Variants in DUSP19 observed in about 807,000 individuals in gnomAD.
DUSP19 encodes dual specificity protein phosphatase 19.
In DUSP19, 14 loss-of-function variants were observed where a neutral mutation model predicts 16.6. The observed-to-expected ratio is 0.84, with a 90% CI of 0.56 to 1.32. DUSP19 has a LOEUF of 1.32. DUSP19 is among the 40% of genes most tolerant of loss of function. The probability of loss-of-function intolerance (pLI) is 0.00; values close to 1 mark genes in which losing one functional copy is unlikely to be tolerated. For missense variants in DUSP19, 258 were observed against 255.9 expected, an observed-to-expected ratio of 1.01 and a Z score of -0.06; for synonymous variants, 81 against 90.5, an observed-to-expected ratio of 0.90 and a Z score of 0.59.
At position 183,098,954 on chromosome 2, in the gene DUSP19, G is replaced by A. The variant is rs1428607228; in HGVS notation, c.*3296G>A. 2.0e-5 allele frequency: 3 copies of A among 152,138 alleles called. No individual in the cohort carries two copies. Among genetic ancestry groups the A allele is most frequent in the Non-Finnish European group, 4.4e-5 (3 of 67,996 alleles). 9.4% of individuals were successfully genotyped at this position (152,138 alleles called of 1,614,324 possible). On this transcript the variant is annotated 3_prime_UTR_variant, in exon 4 of 4. Transcript: ENST00000354221. ...TCAAAAGACAAATATTTCAGAGGAA[G>A]TGGAGTACAGTATTTAACATTTTGT...
chr2:183,089,932 C>T (rs1022274956), intron 3 of DUSP19, among the ~76,000 whole-genome samples: 2 of 152,102 alleles, frequency 1.3e-5, no homozygotes, highest in Non-Finnish European at 2.9e-5. Context: ...CACCACCATG[C>T]CTGGCTAATT....
rs374137698 is a variant in DUSP19, at chr2:183,092,924, G to A, written c.427-2507G>A. On this transcript the variant is annotated intron_variant, in intron 3 of 3. Transcript: ENST00000354221. ...TCACCATGTTGGCCAGGCTGGTCTC[G>A]GACTCCTGACCTTGTGATCCACCCG... Among the ~76,000 whole-genome samples the A allele has an allele frequency of 4.9e-4, 75 of 151,880 alleles. 1 individual carries two copies. In the East Asian group the frequency reaches 0.011, roughly 23 times the overall value.
At chr2:183,079,696 GATT>G (rs1322530473) in intron 1 of DUSP19, among the ~76,000 whole-genome samples, 4 of 152,118 alleles carry the variant, frequency 2.6e-5, no homozygotes, top group African/African-American at 9.7e-5. Context: ...AAGATCTTAT[GATT>G]TATTTCGTAT....
chr2:183,099,254 TACCTTTATAA>T lies in DUSP19; in HGVS notation c.*3597_*3606del, dbSNP rs1323932113. ...TTACAGAGTTAACCTAATGAGTCAATACCTTTATAAGCAAAACCATGATAAATTTAAAAAC... is the reference window on the plus strand; with the variant it reads ...TTACAGAGTTAACCTAATGAGTCAATGCAAAACCATGATAAATTTAAAAAC... On this transcript the variant is annotated 3_prime_UTR_variant, in exon 4 of 4. Transcript: ENST00000354221. 5.3e-5 allele frequency: 8 copies of T among 152,210 alleles called. No homozygotes were observed. The highest frequency in any genetic ancestry group is 8.8e-5 in the Non-Finnish European group (6 of 68,032). 9.4% of individuals were successfully genotyped at this position (152,210 alleles called of 1,614,324 possible). A position where few individuals can be genotyped will look rare whatever the true frequency, so the allele number is the denominator to read the frequency against.
intron 3 of DUSP19, among the ~76,000 whole-genome samples, chr2:183,094,945 T>G (rs1427680594): frequency 6.6e-6 from 1 of 152,188 alleles, no homozygotes; most frequent in East Asian, 1.9e-4. Context: ...TTCCTGTGGT[T>G]TTTTTCTTAT....
chr2:183,087,050 T>G lies in DUSP19; in HGVS notation c.284T>G (p.Ile95Ser), dbSNP rs565726239. ...DTLKKNKVTHILNVAYGVENA... is the reference protein window; with the variant it reads ...DTLKKNKVTHSLNVAYGVENA... ...TTCTTTCTCTTTAAGGTGACTCATA[T>G]TCTTAATGTTGCATATGGAGTTGAA... Residue 95 changes from isoleucine to serine, a missense_variant, in exon 3 of 4, where the codon ATT becomes AGT. Transcript: ENST00000354221. The G allele has an allele frequency of 1.9e-6, 3 of 1,610,562 alleles. No individual in the cohort carries two copies. Among genetic ancestry groups the G allele is most frequent in the Non-Finnish European group, 2.5e-6 (3 of 1,179,476 alleles).
intron 3 of DUSP19, among the ~76,000 whole-genome samples, chr2:183,090,611 A>G (rs1294522461): frequency 3.3e-5 from 5 of 152,236 alleles, no homozygotes; most frequent in African/African-American, 1.2e-4. Context: ...CTTAGATATA[A>G]GCATTGTTAG....
chr2:183,080,110 A>G (rs1699574009), intron 1 of DUSP19, among the ~76,000 whole-genome samples: 1 of 152,222 alleles, frequency 6.6e-6, no homozygotes, highest in Non-Finnish European at 1.5e-5. Flanking sequence ...GTATGCATCA[A>G]GCCCAAGTCT....
intron 3 of DUSP19, among the ~76,000 whole-genome samples, chr2:183,094,069 A>G (rs1226761565): frequency 6.6e-6 from 1 of 152,218 alleles, no homozygotes; most frequent in Admixed American, 6.5e-5. Context: ...AAAATGAGTC[A>G]TAAATATCTA....
At chr2:183,083,622 T>G in intron 2 of DUSP19, 68 bp downstream of exon 2, 1 of 1,363,132 alleles carries the variant, frequency 7.3e-7, no homozygotes, top group Non-Finnish European at 1.0e-6. Context: ...TAGGAAAAAC[T>G]GTATTGGTCC....
Position 183,087,115 on chromosome 2 carries a change from A to G in DUSP19, c.349A>G (p.Ile117Val), listed in dbSNP as rs1261163660. Residue 117 changes from isoleucine (I) to valine (V), a missense_variant, in exon 3 of 4, where the codon ATA (isoleucine) becomes GTA (valine). Transcript: ENST00000354221. ...TGACTTTACATATAAGAGCATTTCT[A>G]TATTGGATCTGCCTGAAACCAACAT... ...LSDFTYKSIS[I>V]LDLPETNILS... 6 of 1,613,480 alleles carry G rather than the reference A, an allele frequency of 3.7e-6. No individual in the cohort carries two copies. The highest frequency in any genetic ancestry group is 1.7e-4 in the Middle Eastern group (1 of 6,056).
intron 2 of DUSP19, among the ~76,000 whole-genome samples, chr2:183,085,896 C>T (rs562973530): frequency 1.9e-5 from 2 of 104,796 alleles, no homozygotes; most frequent in South Asian, 7.1e-4. Context: ...GGCAGAGTCT[C>T]GCTCATTTGC....
chr2:183,091,429 G>A (rs1390973771), intron 3 of DUSP19, among the ~76,000 whole-genome samples: 1 of 152,146 alleles, frequency 6.6e-6, no homozygotes, highest in Non-Finnish European at 1.5e-5. Flanking sequence ...CCAAGCAGCG[G>A]CCCAAGGGAC....
intron 2 of DUSP19, among the ~76,000 whole-genome samples, chr2:183,085,854 T>TG (rs1559128265): frequency 1.9e-5 from 1 of 51,738 alleles, no homozygotes; most frequent in East Asian, 3.6e-4. Flanking sequence ...TAGGTTTTTT[T>TG]TTTTTTTTTT....
At chr2:183,088,407 T>G (rs113670679) in intron 3 of DUSP19, among the ~76,000 whole-genome samples, 13 of 149,046 alleles carry the variant, frequency 8.7e-5, no homozygotes, top group South Asian at 2.1e-4. Context: ...GTTTTTTTTT[T>G]TTGTTTTTTT....
chr2:183,095,365 T>A, intron 3 of DUSP19, 66 bp from the exon 4 acceptor site: 2 of 1,273,538 alleles, frequency 1.6e-6, no homozygotes, highest in Non-Finnish European at 2.2e-6. Flanking sequence ...TATAAGAATG[T>A]GCAATTGATA....
At chr2:183,083,625 AT>A in intron 2 of DUSP19, 71 bp downstream of exon 2, 1 of 1,346,214 alleles carries the variant, frequency 7.4e-7, no homozygotes, top group African/African-American at 1.5e-5. Flanking sequence ...GAAAAACTGT[AT>A]TGGTCCATCT....
In DUSP19 at chr2:183,078,831, T is replaced by C. The variant is rs1699552593; in HGVS notation, c.-103T>C. 1 of 1,055,592 alleles carries C rather than the reference T, an allele frequency of 9.5e-7. No individual in the cohort carries two copies. Among genetic ancestry groups the C allele is most frequent in the Non-Finnish European group, 1.4e-6 (1 of 723,078 alleles). 65.4% of individuals were successfully genotyped at this position (1,055,592 alleles called of 1,614,324 possible). On this transcript the variant is annotated 5_prime_UTR_variant, in exon 1 of 4. Coordinates refer to ENST00000354221, the MANE Select transcript of DUSP19 (RefSeq NM_080876.4). Reference sequence around the variant, plus strand: ...GCGGTTACCTGGATGGGCGAGCACCTCTGAGGCTGGCTTTGTTACCTGGGC... The same window carrying C: ...GCGGTTACCTGGATGGGCGAGCACCCCTGAGGCTGGCTTTGTTACCTGGGC...
In DUSP19 at chr2:183,095,747, A is replaced by G; in HGVS notation, c.*89A>G. 1 of 1,033,982 alleles carries G rather than the reference A, an allele frequency of 9.7e-7. No individual in the cohort carries two copies. The highest frequency in any genetic ancestry group is 1.4e-6 in the Non-Finnish European group (1 of 718,884). The allele number at this position is 1,033,982 out of a possible 1,614,324, so 64.1% of individuals were successfully genotyped here. On this transcript the variant is annotated 3_prime_UTR_variant, in exon 4 of 4. Transcript: ENST00000354221. Reference sequence around the variant, plus strand: ...CCTTTTTTGGAGAGTAGACTAGCAAAACTCCCTTTTTTCTCTTGCCTTTTT... The same window carrying G: ...CCTTTTTTGGAGAGTAGACTAGCAAGACTCCCTTTTTTCTCTTGCCTTTTT...
Sources: gnomAD v4.1 joint callset for allele counts (sites outside exome capture counted in the v4.1 genomes callset) on GRCh38, gnomAD v4.1.1 for gene constraint, MANE v1.5 for transcripts, NCBI Gene and HGNC (gene_info 2026-07-23, HGNC 2026-07-21) for gene names.